CHCHD3: variants seen among roughly 807,000 people sequenced by gnomAD.
CHCHD3 encodes coiled-coil-helix-coiled-coil-helix domain containing 3, also known as MICOS complex subunit MIC19.
Under a neutral mutation model 38.2 loss-of-function variants are expected in CHCHD3, and 20 were observed. The observed-to-expected ratio is 0.52, with a 90% confidence interval of 0.37 to 0.76. The LOEUF (loss-of-function observed/expected upper bound fraction) is 0.76, where lower values mean the gene tolerates loss of function less well. Ranked by LOEUF, CHCHD3 falls within the 30% of genes least tolerant of loss-of-function variation. The probability of loss-of-function intolerance (pLI) is 0.00; values close to 1 mark genes in which losing one functional copy is unlikely to be tolerated. For synonymous variants in CHCHD3, 82 were observed against 100.0 expected (o/e 0.82, Z 1.07); for missense variants, 245 against 279.2 (o/e 0.88, Z 0.87).
At chr7:133,017,976 T>C (rs1042420583) in intron 3 of CHCHD3, among the ~76,000 whole-genome samples, 1 of 152,100 alleles carries the variant, frequency 6.6e-6, no homozygotes, top group Non-Finnish European at 1.5e-5. Context: ...CAGTGAAAAA[T>C]ACTGGGTGGC....
At chr7:132,961,413 C>T (rs1193422738) in intron 4 of CHCHD3, among the ~76,000 whole-genome samples, 1 of 152,172 alleles carries the variant, frequency 6.6e-6, no homozygotes, top group Non-Finnish European at 1.5e-5. Context: ...ATTTGGGTCA[C>T]TTAATTATTT....
chr7:133,076,197 C>G (rs564734433), intron 1 of CHCHD3, among the ~76,000 whole-genome samples: 2 of 151,848 alleles, frequency 1.3e-5, no homozygotes, highest in Non-Finnish European at 2.9e-5. Flanking sequence ...TCTCTGGAAT[C>G]TGCATCAAGG....
intron 4 of CHCHD3, among the ~76,000 whole-genome samples, chr7:132,961,688 G>GTAGAACTA (rs987361730): frequency 6.6e-6 from 1 of 152,144 alleles, no homozygotes; most frequent in African/African-American, 2.4e-5. Context: ...TAAAAATACT[G>GTAGAACTA]TAGAACTATA....
chr7:132,824,506 G>C (rs914223973), intron 6 of CHCHD3, among the ~76,000 whole-genome samples: 1 of 151,940 alleles, frequency 6.6e-6, no homozygotes, highest in African/African-American at 2.4e-5. Flanking sequence ...AGTAAAGACA[G>C]GGTTTCACCA....
rs1806303296 is a variant in CHCHD3 at position 132,785,876 on chromosome 7, T to C, written c.661-216A>G. On this transcript the variant is annotated intron_variant, in intron 7 of 7. Coordinates refer to ENST00000262570, the MANE Select transcript of CHCHD3 (RefSeq NM_017812.4). Reference sequence around the variant, plus strand: ...TTAAATGACCCCTCTCACCACCACATGGGTTGAAAACCCCAACAAGGCCGG... The same window carrying C: ...TTAAATGACCCCTCTCACCACCACACGGGTTGAAAACCCCAACAAGGCCGG... Among the ~76,000 whole-genome samples, 5 of 152,290 alleles carry C rather than the reference T, an allele frequency of 3.3e-5. No individual in the cohort carries two copies. In the South Asian group the frequency reaches 1.0e-3, roughly 32 times the overall value.
chr7:132,930,353 G>C (rs1316136955), intron 4 of CHCHD3, among the ~76,000 whole-genome samples: 1 of 151,912 alleles, frequency 6.6e-6, no homozygotes, highest in Non-Finnish European at 1.5e-5. Flanking sequence ...ATTTTTGGTA[G>C]AGAGTGGGTC....
At chr7:132,991,229 T>A (rs1302881963) in intron 3 of CHCHD3, among the ~76,000 whole-genome samples, 1 of 152,238 alleles carries the variant, frequency 6.6e-6, no homozygotes, top group Non-Finnish European at 1.5e-5. Flanking sequence ...TATCATTACA[T>A]AATTTGCTTC....
intron 4 of CHCHD3, among the ~76,000 whole-genome samples, chr7:132,953,631 T>C (rs1032278244): frequency 2.0e-5 from 3 of 152,188 alleles, no homozygotes; most frequent in Non-Finnish European, 4.4e-5. Flanking sequence ...AGGACATGTA[T>C]GGTGAACTGC....
chr7:132,972,836 A>T, intron 4 of CHCHD3: 1 of 985,036 alleles, frequency 1.0e-6, no homozygotes, highest in Non-Finnish European at 1.2e-6. Flanking sequence ...ACACAACCAG[A>T]ATCTGTAAAT....
intron 4 of CHCHD3, among the ~76,000 whole-genome samples, chr7:132,889,457 A>C (rs1039427700): frequency 6.6e-6 from 1 of 152,146 alleles, no homozygotes; most frequent in Non-Finnish European, 1.5e-5. Context: ...GCTGATTACA[A>C]CCTAAATAAA....
At chr7:132,807,606 A>G (rs1238548492) in intron 6 of CHCHD3, among the ~76,000 whole-genome samples, 1 of 108,926 alleles carries the variant, frequency 9.2e-6, no homozygotes, top group Non-Finnish European at 1.9e-5. Flanking sequence ...CATACACATA[A>G]ATATATATAT....
intron 7 of CHCHD3, among the ~76,000 whole-genome samples, chr7:132,792,856 C>G (rs1806499182): frequency 6.6e-6 from 1 of 152,138 alleles, no homozygotes; most frequent in Non-Finnish European, 1.5e-5. Flanking sequence ...AAGGGTCCAG[C>G]CAGCTTCTGC....
At chr7:132,966,665 T>C (rs7799350) in intron 4 of CHCHD3, among the ~76,000 whole-genome samples, 31,376 of 152,118 alleles carry the variant, frequency 0.21, 3,519 homozygotes, top group South Asian at 0.25. Flanking sequence ...ACAAGAACTG[T>C]ATCAGAACTG....
At chr7:132,912,801 C>A (rs1809983891) in intron 4 of CHCHD3, among the ~76,000 whole-genome samples, 1 of 152,236 alleles carries the variant, frequency 6.6e-6, no homozygotes, top group Admixed American at 6.5e-5. Flanking sequence ...GTGATCCACC[C>A]TCCTTGGCCT....
At chr7:132,795,397 A>G (rs1806581363) in intron 7 of CHCHD3, among the ~76,000 whole-genome samples, 1 of 152,242 alleles carries the variant, frequency 6.6e-6, no homozygotes, top group Non-Finnish European at 1.5e-5. Context: ...ACTAAGAGTT[A>G]TACAAGTGCA....
At chr7:132,821,202 T>C (rs1367874204) in intron 6 of CHCHD3, among the ~76,000 whole-genome samples, 2 of 152,182 alleles carry the variant, frequency 1.3e-5, no homozygotes, top group Non-Finnish European at 2.9e-5. Flanking sequence ...AATTCAACTA[T>C]TGTGACTACA....
chr7:132,899,776 G>A (rs767595121), intron 4 of CHCHD3, among the ~76,000 whole-genome samples: 42 of 152,156 alleles, frequency 2.8e-4, no homozygotes, highest in Non-Finnish European at 5.3e-4. Context: ...CACCTTTCTG[G>A]ATCTGTCTCT....
chr7:133,078,273 C>T (rs1393599340), intron 1 of CHCHD3, among the ~76,000 whole-genome samples: 1 of 152,198 alleles, frequency 6.6e-6, no homozygotes, highest in Non-Finnish European at 1.5e-5. Flanking sequence ...CATGCCACTG[C>T]CCTCCAGCCT....
intron 3 of CHCHD3, among the ~76,000 whole-genome samples, chr7:133,023,727 T>A (rs191904014): frequency 6.6e-6 from 1 of 152,190 alleles, no homozygotes; most frequent in East Asian, 1.9e-4. Context: ...AAGTAGTATT[T>A]AAAAAAAATG....
Sources: allele counts gnomAD v4.1 joint callset (sites outside exome capture counted in the v4.1 genomes callset), GRCh38; gene constraint gnomAD v4.1.1; transcripts MANE v1.5; gene names NCBI Gene and HGNC (gene_info 2026-07-23, HGNC 2026-07-21).